CCDC91: variants seen among roughly 807,000 people sequenced by gnomAD.
CCDC91 encodes coiled-coil domain containing 91, also known as coiled-coil domain-containing protein 91.
Under a neutral mutation model 63.2 loss-of-function variants are expected in CCDC91, and 48 were observed. The ratio of observed to expected loss-of-function variants is 0.76; its 90% CI spans 0.60 to 0.97. The LOEUF is 0.97. Ranked by LOEUF, CCDC91 falls within the 50% of genes least tolerant of loss-of-function variation. The probability of loss-of-function intolerance (pLI) is 0.00; values close to 1 mark genes in which losing one functional copy is unlikely to be tolerated. For missense variants in CCDC91, 500 were observed against 494.6 expected (o/e 1.01, Z -0.10); for synonymous variants, 167 against 165.8 (o/e 1.01, Z -0.06).
intron 12 of CCDC91, among the ~76,000 whole-genome samples, chr12:28,508,276 A>C (rs1379324874): frequency 6.6e-6 from 1 of 151,486 alleles, no homozygotes; most frequent in Non-Finnish European, 1.5e-5. Context: ...AAAAGCTGTA[A>C]CTCCTGCTAC....
At chr12:28,443,093 G>A (rs1949313021) in intron 8 of CCDC91, among the ~76,000 whole-genome samples, 1 of 150,988 alleles carries the variant, frequency 6.6e-6, no homozygotes, top group East Asian at 2.0e-4. Context: ...ATGGAAATAG[G>A]ATGTTCTCTA....
chr12:28,438,238 G>T (rs973285938), intron 8 of CCDC91, among the ~76,000 whole-genome samples: 1 of 152,092 alleles, frequency 6.6e-6, no homozygotes, highest in Non-Finnish European at 1.5e-5. Context: ...GGTAGTAAGA[G>T]GTGGGCCCTT....
At chr12:28,304,614 GTC>G (rs1418245487) in intron 3 of CCDC91, 3 of 1,217,774 alleles carry the variant, frequency 2.5e-6, no homozygotes, top group Non-Finnish European at 3.2e-6. Context: ...CCTTATAAAT[GTC>G]TTTCTTCAGG....
chr12:28,406,388 C>T (rs1946947748), intron 8 of CCDC91, among the ~76,000 whole-genome samples: 1 of 151,926 alleles, frequency 6.6e-6, no homozygotes, highest in Non-Finnish European at 1.5e-5. Context: ...CAGTAGAGAC[C>T]TAGCTAGGTC....
At chr12:28,249,626 T>C (rs1027644111) in intron 1 of CCDC91, among the ~76,000 whole-genome samples, 3 of 152,040 alleles carry the variant, frequency 2.0e-5, no homozygotes, top group Admixed American at 2.0e-4. Flanking sequence ...AGTAAGGAGC[T>C]CAAAGAGGTT....
chr12:28,356,369 A>T (rs2138395690), intron 6 of CCDC91, among the ~76,000 whole-genome samples: 1 of 152,012 alleles, frequency 6.6e-6, no homozygotes, highest in Middle Eastern at 3.2e-3. Flanking sequence ...CATATGGTAT[A>T]ATCTTATCTT....
chr12:28,331,385 G>A (rs1941495898), intron 6 of CCDC91, among the ~76,000 whole-genome samples: 1 of 152,100 alleles, frequency 6.6e-6, no homozygotes, highest in South Asian at 2.1e-4. Flanking sequence ...CGTCAGGCTG[G>A]GCTAAAATTA....
intron 6 of CCDC91, among the ~76,000 whole-genome samples, chr12:28,323,043 T>C (rs186066706): frequency 2.0e-5 from 3 of 151,640 alleles, no homozygotes; most frequent in Non-Finnish European, 3.0e-5. Context: ...TAAGAACCTT[T>C]ATATATTAGG....
intron 11 of CCDC91, among the ~76,000 whole-genome samples, chr12:28,478,338 C>T (rs1010923580): frequency 4.1e-4 from 63 of 152,050 alleles, no homozygotes; most frequent in African/African-American, 1.4e-3. Flanking sequence ...CTTTGACAAA[C>T]CTGACAAAGA....
chr12:28,458,745 C>T (rs1950174924), intron 11 of CCDC91, among the ~76,000 whole-genome samples: 1 of 151,938 alleles, frequency 6.6e-6, no homozygotes, highest in African/African-American at 2.4e-5. Context: ...TTTTAATTAT[C>T]AGAACCTTTC....
chr12:28,332,275 A>G lies in CCDC91; in HGVS notation c.576+24526A>G, dbSNP rs77816497. On this transcript the variant is annotated intron_variant, in intron 6 of 12. Transcript: ENST00000536442. Reference sequence around the variant, plus strand: ...AAAAGGTCCAGATAGTACCACGATGATACATTAACTTGTGTTAAGGTACAT... The same window carrying G: ...AAAAGGTCCAGATAGTACCACGATGGTACATTAACTTGTGTTAAGGTACAT... 3.2e-3 allele frequency among the ~76,000 whole-genome samples: 484 copies of G among 152,288 alleles called. 7 individuals are homozygous for G. The highest frequency in any genetic ancestry group is 0.011 in the African/African-American group (450 of 41,562).
At chr12:28,501,699 T>C (rs1467477672) in intron 12 of CCDC91, among the ~76,000 whole-genome samples, 1 of 151,912 alleles carries the variant, frequency 6.6e-6, no homozygotes, top group Non-Finnish European at 1.5e-5. Context: ...CTGGCTTTGG[T>C]ATCAGGACGA....
chr12:28,496,154 G>T (rs1227878389), intron 12 of CCDC91, among the ~76,000 whole-genome samples: 1 of 151,588 alleles, frequency 6.6e-6, no homozygotes, highest in Non-Finnish European at 1.5e-5. Flanking sequence ...TTGCTAGAGG[G>T]CTGGAAAACC....
At chr12:28,343,789 A>G (rs1942610290) in intron 6 of CCDC91, among the ~76,000 whole-genome samples, 1 of 152,174 alleles carries the variant, frequency 6.6e-6, no homozygotes, top group Admixed American at 6.5e-5. Flanking sequence ...ATAATGTATC[A>G]TCTGACCTTT....
At chr12:28,510,608 A>G (rs955586878) in intron 12 of CCDC91, among the ~76,000 whole-genome samples, 2 of 151,864 alleles carry the variant, frequency 1.3e-5, no homozygotes, top group Non-Finnish European at 2.9e-5. Flanking sequence ...TGTTAATCTC[A>G]TTTATAAACA....
At chr12:28,491,877 GT>G (rs1952026016) in intron 12 of CCDC91, among the ~76,000 whole-genome samples, 1 of 150,402 alleles carries the variant, frequency 6.6e-6, no homozygotes, top group Non-Finnish European at 1.5e-5. Flanking sequence ...GTGTGTGTGT[GT>G]GTGTGTGTGT....
At chr12:28,477,953 G>A (rs1002506297) in intron 11 of CCDC91, among the ~76,000 whole-genome samples, 4 of 151,964 alleles carry the variant, frequency 2.6e-5, no homozygotes, top group Non-Finnish European at 4.4e-5. Flanking sequence ...ACTGCTCAAC[G>A]AAATAAAAGG....
chr12:28,242,291 G>T (rs1162016939), intron 1 of CCDC91, among the ~76,000 whole-genome samples: 1 of 152,124 alleles, frequency 6.6e-6, no homozygotes, highest in Non-Finnish European at 1.5e-5. Context: ...TACAAACAAA[G>T]AAGCTTGTTT....
intron 2 of CCDC91, among the ~76,000 whole-genome samples, chr12:28,257,925 C>T (rs1946554676): frequency 7.4e-6 from 1 of 135,504 alleles, no homozygotes; most frequent in African/African-American, 2.6e-5. Context: ...CAAGGGAATG[C>T]TGTGATTTTT....
Sources: allele counts gnomAD v4.1 joint callset (sites outside exome capture counted in the v4.1 genomes callset), GRCh38; gene constraint gnomAD v4.1.1; transcripts MANE v1.5; gene names NCBI Gene and HGNC (gene_info 2026-07-23, HGNC 2026-07-21).